ASTN1: variants seen among roughly 807,000 people sequenced by gnomAD.
ASTN1 encodes astrotactin-1.
ASTN1 carries 41 observed loss-of-function variants against 140.7 expected under a neutral mutation model. That is an observed-to-expected ratio of 0.29 (90% CI 0.23 to 0.38). The LOEUF (loss-of-function observed/expected upper bound fraction) is 0.38. ASTN1 is among the 10% of genes least tolerant of loss of function. ASTN1 has a pLI of 1.00. For missense variants in ASTN1, 1,479 were observed against 1,678.8 expected (o/e 0.88, Z 2.08); for synonymous variants, 640 against 652.2 (o/e 0.98, Z 0.29).
At chr1:177,056,497 G>C (rs1435029581) in intron 2 of ASTN1, among the ~76,000 whole-genome samples, 1 of 151,774 alleles carries the variant, frequency 6.6e-6, no homozygotes. Context: ...CCACAACAGT[G>C]ACTAAGAAGG....
At chr1:176,865,380 C>T (rs983632938) in intron 22 of ASTN1, among the ~76,000 whole-genome samples, 1 of 152,196 alleles carries the variant, frequency 6.6e-6, no homozygotes, top group Non-Finnish European at 1.5e-5. Flanking sequence ...CACCATGTCA[C>T]TGGTGCAGAC....
chr1:176,927,408 G>A (rs1313448980), intron 16 of ASTN1, among the ~76,000 whole-genome samples: 4 of 151,982 alleles, frequency 2.6e-5, no homozygotes, highest in African/African-American at 9.7e-5. Context: ...GGAAAAGGAA[G>A]GGAAGAAAGA....
chr1:177,136,354 C>CT (rs761381263), intron 1 of ASTN1, among the ~76,000 whole-genome samples: 5,826 of 131,074 alleles, frequency 0.044, 165 homozygotes, highest in Non-Finnish European at 0.061. Context: ...ATTTTTCTTC[C>CT]TTTTTTTTTT....
intron 21 of ASTN1, among the ~76,000 whole-genome samples, chr1:176,874,669 T>C (rs1485429183): frequency 6.6e-6 from 1 of 152,182 alleles, no homozygotes; most frequent in Admixed American, 6.5e-5. Context: ...TATGGTTGGT[T>C]ACTGATAATA....
chr1:176,992,411 G>T (rs974298598), intron 8 of ASTN1, among the ~76,000 whole-genome samples: 8 of 136,532 alleles, frequency 5.9e-5, no homozygotes, highest in African/African-American at 2.2e-4. Context: ...CTGCCCTTAA[G>T]AAAAAAAAAA....
At chr1:177,142,907 G>T (rs907916072) in intron 1 of ASTN1, among the ~76,000 whole-genome samples, 1 of 141,468 alleles carries the variant, frequency 7.1e-6, no homozygotes, top group East Asian at 2.0e-4. Flanking sequence ...AAAAAAAGGG[G>T]GGGAGGGGTG....
At chr1:176,996,374 C>T (rs970397936) in intron 8 of ASTN1, among the ~76,000 whole-genome samples, 1 of 151,716 alleles carries the variant, frequency 6.6e-6, no homozygotes, top group Non-Finnish European at 1.5e-5. Flanking sequence ...TAGCAGATTC[C>T]TCACAGTAAT....
At chr1:177,146,977 A>G (rs1682746935) in intron 1 of ASTN1, among the ~76,000 whole-genome samples, 1 of 152,136 alleles carries the variant, frequency 6.6e-6, no homozygotes, top group Non-Finnish European at 1.5e-5. Context: ...TCAAGGGTCA[A>G]TTTACAATAA....
chr1:177,090,571 T>C (rs1170638752), intron 1 of ASTN1, among the ~76,000 whole-genome samples: 1 of 152,138 alleles, frequency 6.6e-6, no homozygotes, highest in Non-Finnish European at 1.5e-5. Context: ...GCAAAGATCA[T>C]ATAGACCCAA....
chr1:177,066,560 T>C (rs1678364907), intron 1 of ASTN1, among the ~76,000 whole-genome samples: 1 of 152,176 alleles, frequency 6.6e-6, no homozygotes, highest in African/African-American at 2.4e-5. Context: ...GGATTACAAC[T>C]TCCCTATACC....
At chr1:177,055,802 C>A (rs923191221) in intron 2 of ASTN1, among the ~76,000 whole-genome samples, 1 of 152,178 alleles carries the variant, frequency 6.6e-6, no homozygotes, top group Non-Finnish European at 1.5e-5. Context: ...AAAAATACTA[C>A]AAATTGACCA....
At chr1:177,116,709 C>T (rs1399535483) in intron 1 of ASTN1, among the ~76,000 whole-genome samples, 3 of 152,174 alleles carry the variant, frequency 2.0e-5, no homozygotes, top group Non-Finnish European at 4.4e-5. Context: ...GGGCTCTCAC[C>T]AGCCTTCACC....
intron 8 of ASTN1, among the ~76,000 whole-genome samples, chr1:176,998,453 C>T (rs530591869): frequency 1.3e-5 from 2 of 151,400 alleles, no homozygotes; most frequent in South Asian, 4.2e-4. Flanking sequence ...TCACTGATGC[C>T]TGAACAAGTT....
intron 7 of ASTN1, among the ~76,000 whole-genome samples, chr1:177,017,876 C>A (rs1675639177): frequency 6.6e-6 from 1 of 152,186 alleles, no homozygotes; most frequent in Non-Finnish European, 1.5e-5. Context: ...CATTCTACAG[C>A]TGAAGGACTG....
At chr1:177,074,780 T>C (rs1210706892) in intron 1 of ASTN1, among the ~76,000 whole-genome samples, 1 of 152,254 alleles carries the variant, frequency 6.6e-6, no homozygotes, top group African/African-American at 2.4e-5. Context: ...GCCTGATTTG[T>C]GGTATTCTCA....
chr1:176,919,688 G>T (rs933265820), intron 16 of ASTN1, among the ~76,000 whole-genome samples: 1 of 152,192 alleles, frequency 6.6e-6, no homozygotes. Context: ...AGCTGAAAAT[G>T]CCCCCCAAAC....
chr1:177,154,928 A>G (rs1387075664), intron 1 of ASTN1, among the ~76,000 whole-genome samples: 4 of 152,226 alleles, frequency 2.6e-5, no homozygotes, highest in Non-Finnish European at 5.9e-5. Context: ...TAGTATTTTT[A>G]TTCATAATTG....
chr1:177,054,146 T>C (rs1441871398), intron 2 of ASTN1, among the ~76,000 whole-genome samples: 7 of 152,232 alleles, frequency 4.6e-5, no homozygotes, highest in South Asian at 4.1e-4. Context: ...ATTCAATTCA[T>C]AGTCCTGCAA....
rs114881326 is a variant in ASTN1 at position 177,064,899 on chromosome 1, G to A, written c.284-3634C>T. On this transcript the variant is annotated intron_variant, in intron 1 of 22. Transcript: ENST00000361833. ...CCAATGAAAAACCACACAGGGCACA[G>A]TAAGTGTCTTGTGAGTTTCTTAACT... is the stretch of plus-strand genomic sequence containing the variant. 3.4e-3 allele frequency among the ~76,000 whole-genome samples: 525 copies of A among 152,344 alleles called. 2 individuals carry two copies. In the Middle Eastern group the frequency reaches 0.041, roughly 12 times the overall value.
Sources: allele counts gnomAD v4.1 joint callset (sites outside exome capture counted in the v4.1 genomes callset), GRCh38; gene constraint gnomAD v4.1.1; transcripts MANE v1.5; gene names NCBI Gene and HGNC (gene_info 2026-07-23, HGNC 2026-07-21).